The following FLI1 variants were observed in gnomAD, a reference collection of about 807,000 sequenced individuals.
The protein encoded by FLI1 is Friend leukemia integration 1 transcription factor.
Under a neutral mutation model 53.1 loss-of-function variants are expected in FLI1, and 13 were observed. That is an observed-to-expected ratio of 0.24 (90% CI 0.16 to 0.39). FLI1 has a LOEUF of 0.39. FLI1 is among the 10% of genes least tolerant of loss of function. FLI1 has a pLI of 1.00. For missense variants in FLI1, 424 were observed against 600.5 expected (o/e 0.71, Z 3.07); for synonymous variants, 244 against 236.7 (o/e 1.03, Z -0.28).
intron 1 of FLI1, among the ~76,000 whole-genome samples, chr11:128,732,269 A>T (rs770356605): frequency 1.3e-4 from 20 of 152,232 alleles, no homozygotes; most frequent in Non-Finnish European, 2.5e-4. Context: ...CTCATCTAGG[A>T]CATCTAAGGT....
chr11:128,702,671 G>A (rs1381284281), intron 1 of FLI1, among the ~76,000 whole-genome samples: 2 of 152,186 alleles, frequency 1.3e-5, no homozygotes, highest in African/African-American at 2.4e-5. Context: ...AGACCAGCCT[G>A]GCCAATATGG....
intron 2 of FLI1, chr11:128,764,829 T>C (rs2135824129): frequency 6.3e-7 from 1 of 1,592,186 alleles, no homozygotes; most frequent in Non-Finnish European, 8.5e-7. Flanking sequence ...GAGGTATGGC[T>C]TTCCTTCTTT....
At chr11:128,771,598 G>T (rs528360925) in intron 3 of FLI1, among the ~76,000 whole-genome samples, 1 of 152,190 alleles carries the variant, frequency 6.6e-6, no homozygotes, top group Non-Finnish European at 1.5e-5. Flanking sequence ...GAGAGGGTGA[G>T]TTGCTTGAGG....
chr11:128,762,887 C>T (rs758868858), intron 2 of FLI1, among the ~76,000 whole-genome samples: 14 of 151,604 alleles, frequency 9.2e-5, no homozygotes, highest in South Asian at 6.3e-4. Context: ...ATCTGGGAGA[C>T]GGAGGTTGCT....
intron 1 of FLI1, 106 bp from the exon 2 acceptor site, chr11:128,758,009 G>T: frequency 2.1e-6 from 2 of 947,828 alleles, no homozygotes; most frequent in Non-Finnish European, 3.2e-6. Context: ...TTCCAGACAA[G>T]CTGTCCTGGG....
At chr11:128,705,255 C>A (rs748491398) in intron 1 of FLI1, among the ~76,000 whole-genome samples, 3 of 152,240 alleles carry the variant, frequency 2.0e-5, no homozygotes, top group Non-Finnish European at 2.9e-5. Flanking sequence ...CTTCACAACT[C>A]TTTATTCAAG....
chr11:128,709,264 T>C (rs1252368045), intron 1 of FLI1, among the ~76,000 whole-genome samples: 1 of 152,220 alleles, frequency 6.6e-6, no homozygotes, highest in African/African-American at 2.4e-5. Flanking sequence ...ACTTTGTAAT[T>C]GTAAAGTGCT....
At chr11:128,718,165 C>A (rs2135730602) in intron 1 of FLI1, among the ~76,000 whole-genome samples, 1 of 152,330 alleles carries the variant, frequency 6.6e-6, no homozygotes, top group South Asian at 2.1e-4. Flanking sequence ...CTAACACTTA[C>A]TTTATGTTTG....
rs940050834 is a variant in FLI1, at chr11:128,694,372, G to T, written c.18+96G>T. On this transcript the variant is annotated intron_variant, in intron 1 of 8. Transcript: ENST00000527786. ...CGGGGCCCGCGTCCCGGAAGACGTG[G>T]CCTCTCTCCCTTCCCTCCGCGCCCC... 1.5e-5 allele frequency: 15 copies of T among 1,006,102 alleles called. No homozygotes were observed. The African/African-American group carries it at 2.5e-4, about 17-fold the overall frequency. The allele number at this position is 1,006,102 out of a possible 1,614,324, so 62.3% of individuals were successfully genotyped here.
chr11:128,737,434 T>C (rs1467549726), intron 1 of FLI1, among the ~76,000 whole-genome samples: 1 of 152,222 alleles, frequency 6.6e-6, no homozygotes. Flanking sequence ...AACATGGTCC[T>C]CCTCTCTAAT....
rs1942898583 is a variant in FLI1 at position 128,810,033 on chromosome 11, C to T, written c.830-426C>T. 6.6e-6 allele frequency among the ~76,000 whole-genome samples: 1 copy of T among 152,112 alleles called. No individual in the cohort carries two copies. The highest frequency in any genetic ancestry group is 2.4e-5 in the African/African-American group (1 of 41,422). On this transcript the variant is annotated intron_variant, in intron 8 of 8. Coordinates refer to ENST00000527786, the MANE Select transcript of FLI1 (RefSeq NM_002017.5). The surrounding 1 kb of genome is among the most constrained non-coding windows in gnomAD (Gnocchi z 6.6). ...TCCCACAGTCATGCCTTGCCCCTGA[C>T]TTTTTATTGCTGACAGGGAATTCCC...
upstream of FLI1, among the ~76,000 whole-genome samples, chr11:128,685,625 C>A (rs1397066674): frequency 7.5e-6 from 1 of 132,614 alleles, no homozygotes; most frequent in South Asian, 2.6e-4. Flanking sequence ...TGCGCCTGGG[C>A]GGAGGCGGCG....
chr11:128,752,149 T>A (rs192884097), intron 1 of FLI1, among the ~76,000 whole-genome samples: 1 of 152,024 alleles, frequency 6.6e-6, no homozygotes, highest in Non-Finnish European at 1.5e-5. Context: ...CTGAGTTTTG[T>A]ATTTTTAGTA....
chr11:128,759,896 G>A (rs1225797050), intron 2 of FLI1, among the ~76,000 whole-genome samples: 1 of 152,216 alleles, frequency 6.6e-6, no homozygotes, highest in Non-Finnish European at 1.5e-5. Context: ...CTAGATTGAA[G>A]AGAGAGAAGG....
chr11:128,809,442 G>A (rs1371114616), intron 8 of FLI1, among the ~76,000 whole-genome samples: 1 of 152,216 alleles, frequency 6.6e-6, no homozygotes, highest in Non-Finnish European at 1.5e-5. Flanking sequence ...CACTGCACAT[G>A]TGCACTTAGG....
intron 4 of FLI1, among the ~76,000 whole-genome samples, chr11:128,781,250 G>A (rs920748833): frequency 3.9e-5 from 6 of 152,192 alleles, no homozygotes; most frequent in Middle Eastern, 3.4e-3. Context: ...AACTCCCATT[G>A]CCCCCTCCAC....
intron 5 of FLI1, among the ~76,000 whole-genome samples, chr11:128,790,337 CAG>C (rs1565501925): frequency 6.8e-6 from 1 of 146,436 alleles, no homozygotes; most frequent in East Asian, 2.0e-4. Flanking sequence ...CAGAGAGAAA[CAG>C]AGATCGGGGG....
intron 1 of FLI1, among the ~76,000 whole-genome samples, chr11:128,753,207 G>A (rs1940722285): frequency 6.6e-6 from 1 of 152,150 alleles, no homozygotes; most frequent in African/African-American, 2.4e-5. Context: ...CAATGACTAA[G>A]CCAGCCCAGG....
At chr11:128,701,360 A>T (rs971550086) in intron 1 of FLI1, among the ~76,000 whole-genome samples, 8 of 152,176 alleles carry the variant, frequency 5.3e-5, no homozygotes, top group African/African-American at 1.9e-4. Flanking sequence ...AACTCAAATC[A>T]AATTTCTGTG....
Sources: allele counts gnomAD v4.1 joint callset (sites outside exome capture counted in the v4.1 genomes callset), GRCh38; gene constraint gnomAD v4.1.1; non-coding constraint Gnocchi (gnomAD v3.1); transcripts MANE v1.5; gene names NCBI Gene and HGNC (gene_info 2026-07-23, HGNC 2026-07-21).